The following LARGE1 variants were observed in gnomAD, a reference collection of about 807,000 sequenced individuals.
LARGE1 encodes xylosyl- and glucuronyltransferase LARGE1.
LARGE1 carries 43 observed loss-of-function variants against 87.6 expected under a neutral mutation model. The observed-to-expected ratio is 0.49, with a 90% confidence interval of 0.38 to 0.63. The LOEUF is 0.63. Among genes scored for constraint, LARGE1 ranks in the 30% least tolerant of loss-of-function variants. LARGE1 has a pLI of 0.00. For synonymous variants in LARGE1, 434 were observed against 394.6 expected, an observed-to-expected ratio of 1.10 and a Z score of -1.18; for missense variants, 802 against 1,000.2, an observed-to-expected ratio of 0.80 and a Z score of 2.67.
chr22:33,525,608 G>C (rs2071848420), intron 6 of LARGE1, among the ~76,000 whole-genome samples: 1 of 152,076 alleles, frequency 6.6e-6, no homozygotes, highest in Admixed American at 6.5e-5. Flanking sequence ...AACTTCATCT[G>C]TTCCTAGGTG....
chr22:33,788,646 G>C (rs367779312), intron 1 of LARGE1, among the ~76,000 whole-genome samples: 2 of 152,184 alleles, frequency 1.3e-5, no homozygotes, highest in Admixed American at 6.5e-5. Flanking sequence ...TAAGAAACTT[G>C]TTGGGAACTG....
chr22:33,807,874 A>T (rs946831706), intron 1 of LARGE1, among the ~76,000 whole-genome samples: 1 of 151,934 alleles, frequency 6.6e-6, no homozygotes, highest in African/African-American at 2.4e-5. Flanking sequence ...CATTGCCTGG[A>T]TGTGCTATGG....
chr22:33,824,645 C>A (rs891759526), intron 1 of LARGE1, among the ~76,000 whole-genome samples: 1 of 152,022 alleles, frequency 6.6e-6, no homozygotes, highest in Non-Finnish European at 1.5e-5. Flanking sequence ...AACCACATGA[C>A]CCCCACTCTA....
the LARGE1 span, among the ~76,000 whole-genome samples, chr22:33,091,517 G>A: frequency 9.3e-4 from 141 of 151,920 alleles, no homozygotes; most frequent in African/African-American, 3.2e-3. Flanking sequence ...CTGAGATCGC[G>A]CCACTGCTCT....
At chr22:33,104,758 G>T in the LARGE1 span, among the ~76,000 whole-genome samples, 6 of 152,052 alleles carry the variant, frequency 3.9e-5, no homozygotes, top group African/African-American at 1.2e-4. Flanking sequence ...CAACTTTTCT[G>T]CCTTCCTCCC....
At chr22:33,138,029 G>A in the LARGE1 span, among the ~76,000 whole-genome samples, 1 of 152,302 alleles carries the variant, frequency 6.6e-6, no homozygotes, top group East Asian at 1.9e-4. Flanking sequence ...CCAGACTCCA[G>A]AAGGGTAGAT....
At chr22:33,775,851 TAA>T (rs35496819) in intron 1 of LARGE1, among the ~76,000 whole-genome samples, 18 of 122,302 alleles carry the variant, frequency 1.5e-4, no homozygotes, top group Middle Eastern at 4.3e-3. Flanking sequence ...GTCACTGTCT[TAA>T]AAAAAAAAAA....
In LARGE1 at chr22:33,564,904, T is replaced by C. The variant is rs1479407489; in HGVS notation, c.731A>G (p.Asp244Gly). ...NLERVIVLDT[D>G]ITFATDIAEL... ...TGCAATGTCAGTGGCAAAGGTGATA[T>C]CCGTGTCAAGGACGATGACTCTCTC... is the stretch of plus-strand genomic sequence containing the variant. Residue 244 changes from aspartate to glycine, a missense_variant, in exon 6 of 15, where the codon GAT (aspartate) becomes GGT (glycine). Asp to Gly is a moderately conservative substitution (Grantham distance 94). Transcript: ENST00000397394. The C allele has an allele frequency of 2.0e-5, 33 of 1,614,190 alleles. No individual in the cohort carries two copies. The highest frequency in any genetic ancestry group is 2.7e-5 in the Non-Finnish European group (32 of 1,180,036).
At chr22:33,893,643 A>G (rs964044761) in intron 1 of LARGE1, among the ~76,000 whole-genome samples, 2 of 152,224 alleles carry the variant, frequency 1.3e-5, no homozygotes, top group African/African-American at 4.8e-5. Flanking sequence ...TCTGTGCTTC[A>G]ACTTTCAAAA....
chr22:33,133,135 A>G, the LARGE1 span, among the ~76,000 whole-genome samples: 1 of 152,212 alleles, frequency 6.6e-6, no homozygotes, highest in Non-Finnish European at 1.5e-5. Context: ...GAGAAAATTT[A>G]CTGGGTCCTG....
At chr22:33,646,943 G>A (rs972820145) in intron 3 of LARGE1, among the ~76,000 whole-genome samples, 3 of 152,186 alleles carry the variant, frequency 2.0e-5, no homozygotes, top group Non-Finnish European at 2.9e-5. Context: ...TGGCCAGGCT[G>A]GTCTGAAACT....
At chr22:33,306,306 A>G (rs1467231291) in intron 11 of LARGE1, among the ~76,000 whole-genome samples, 2 of 151,836 alleles carry the variant, frequency 1.3e-5, no homozygotes, top group Non-Finnish European at 2.9e-5. Context: ...AATGTGGGGG[A>G]CTCTGCGCTT....
intron 10 of LARGE1, among the ~76,000 whole-genome samples, chr22:33,325,561 C>A (rs1442598172): frequency 2.6e-5 from 4 of 152,242 alleles, no homozygotes; most frequent in Non-Finnish European, 5.9e-5. Flanking sequence ...TGTGGACTTT[C>A]TGCAAGGTTC....
At chr22:33,358,783 G>A (rs2064274011) in intron 9 of LARGE1, among the ~76,000 whole-genome samples, 1 of 151,944 alleles carries the variant, frequency 6.6e-6, no homozygotes, top group African/African-American at 2.4e-5. Flanking sequence ...TCAGGAGTTT[G>A]AGACCACCCT....
intron 2 of LARGE1, chr22:33,657,166 C>A (rs2080985005): frequency 6.6e-6 from 1 of 152,216 alleles, no homozygotes; most frequent in South Asian, 2.1e-4. Flanking sequence ...GGTGACAGAC[C>A]CAGATCTCTC....
At chr22:33,531,789 T>C (rs1235295901) in intron 6 of LARGE1, among the ~76,000 whole-genome samples, 2 of 152,180 alleles carry the variant, frequency 1.3e-5, no homozygotes, top group Admixed American at 6.5e-5. Flanking sequence ...GCCTCAGCTG[T>C]AGGGTCTCAA....
chr22:33,492,289 T>C (rs984174838), intron 6 of LARGE1, among the ~76,000 whole-genome samples: 3 of 152,174 alleles, frequency 2.0e-5, no homozygotes, highest in Non-Finnish European at 4.4e-5. Flanking sequence ...CCAAAGTCCA[T>C]GGCAGGAAGC....
chr22:33,438,330 T>C (rs556360861), intron 6 of LARGE1, among the ~76,000 whole-genome samples: 2 of 152,296 alleles, frequency 1.3e-5, no homozygotes, highest in South Asian at 2.1e-4. Flanking sequence ...TTGGGAGTTA[T>C]TGTAATAAAA....
At chr22:33,551,855 G>A (rs542810319) in intron 6 of LARGE1, among the ~76,000 whole-genome samples, 3 of 151,990 alleles carry the variant, frequency 2.0e-5, no homozygotes, top group Non-Finnish European at 2.9e-5. Context: ...TTAGCCGGGC[G>A]TGATGATGGG....
Sources: gnomAD v4.1 joint callset for allele counts (sites outside exome capture counted in the v4.1 genomes callset) on GRCh38, gnomAD v4.1.1 for gene constraint, MANE v1.5 for transcripts, NCBI Gene and HGNC (gene_info 2026-07-23, HGNC 2026-07-21) for gene names.